Variants in C21orf91 observed in about 807,000 individuals in gnomAD.
The protein encoded by C21orf91 is protein EURL homolog.
A neutral mutation model predicts 32.9 loss-of-function variants in C21orf91; 26 were observed. The observed-to-expected ratio is 0.79, with a 90% CI of 0.58 to 1.10. The LOEUF is 1.10. C21orf91 is among the 50% of genes least tolerant of loss of function. C21orf91 has a pLI of 0.00. For missense variants in C21orf91, 310 were observed against 341.3 expected, an observed-to-expected ratio of 0.91 and a Z score of 0.72; for synonymous variants, 126 against 120.4, an observed-to-expected ratio of 1.05 and a Z score of -0.31.
Position 17,801,841 on chromosome 21 carries a change from T to TA in C21orf91, c.128-4724dup, listed in dbSNP as rs988828121. Among the ~76,000 whole-genome samples the TA allele has an allele frequency of 8.4e-3, 1,204 of 142,626 alleles. 12 individuals are homozygous for TA. Among genetic ancestry groups the TA allele is most frequent in the African/African-American group, 0.027 (1,071 of 39,098 alleles). The allele number at this position is 142,626 out of a possible 152,430, so 93.6% of individuals were successfully genotyped here. ...ATGTATATCCCAGAACTTAAAGTAT[T>TA]AAAAAAAAAAAAGGGTTTCTTCTCA... On this transcript the variant is annotated intron_variant, in intron 2 of 4. Transcript: ENST00000284881.
intron 2 of C21orf91, among the ~76,000 whole-genome samples, chr21:17,797,484 C>T (rs114501125): frequency 0.01 from 1,565 of 150,748 alleles, 23 homozygotes; most frequent in African/African-American, 0.036. Flanking sequence ...TACACACTTG[C>T]AAAAATATCT....
chr21:17,818,056 C>T (rs1466285219), intron 2 of C21orf91, 136 bp downstream of exon 2: 2 of 531,684 alleles, frequency 3.8e-6, no homozygotes, highest in Non-Finnish European at 6.3e-6. Context: ...GAAACCTTAT[C>T]TTTAACAAAT....
intron 2 of C21orf91, among the ~76,000 whole-genome samples, chr21:17,802,535 A>G (rs1434370044): frequency 6.6e-6 from 1 of 152,200 alleles, no homozygotes; most frequent in East Asian, 1.9e-4. Flanking sequence ...TAATTCACCA[A>G]TTGTAGGAAC....
In C21orf91 at chr21:17,815,763, C is replaced by T. The variant is rs759719452; in HGVS notation, c.127+2429G>A. ...GCAACCTCCACCTCCTGGGTTCAAGCGATTCTCTTGCCTCAGCCTCCTGAG... is the reference window on the plus strand; with the variant it reads ...GCAACCTCCACCTCCTGGGTTCAAGTGATTCTCTTGCCTCAGCCTCCTGAG... On this transcript the variant is annotated intron_variant, in intron 2 of 4. Transcript: ENST00000284881. 5.3e-5 allele frequency among the ~76,000 whole-genome samples: 8 copies of T among 152,180 alleles called. No homozygotes were observed. The East Asian group carries it at 7.7e-4, about 15-fold the overall frequency.
chr21:17,791,688 T>C lies in C21orf91; in HGVS notation c.*1727A>G, dbSNP rs2062475416. ...AAATGTATTTACCCAGCTTGTAAGT[T>C]TGAATATTTTGATATTGCACACATT... On this transcript the variant is annotated 3_prime_UTR_variant, in exon 5 of 5. Transcript: ENST00000284881. 6.6e-6 allele frequency: 1 copy of C among 152,124 alleles called. No individual in the cohort carries two copies. Among genetic ancestry groups the C allele is most frequent in the African/African-American group, 2.4e-5 (1 of 41,450 alleles). The allele number at this position is 152,124 out of a possible 1,614,324, so 9.4% of individuals were successfully genotyped here. A position where few individuals can be genotyped will look rare whatever the true frequency, so the allele number is the denominator to read the frequency against.
chr21:17,807,802 G>C (rs1481477602), intron 2 of C21orf91, among the ~76,000 whole-genome samples: 1 of 152,148 alleles, frequency 6.6e-6, no homozygotes, highest in Non-Finnish European at 1.5e-5. Context: ...TGATGATTTA[G>C]GCTATCTGGT....
chr21:17,803,213 T>C (rs866191571), intron 2 of C21orf91, among the ~76,000 whole-genome samples: 7 of 152,250 alleles, frequency 4.6e-5, no homozygotes, highest in Middle Eastern at 3.2e-3. Context: ...CAACAATACA[T>C]GCAGTATTGC....
In C21orf91 at chr21:17,805,080, G is replaced by A. The variant is rs111802814; in HGVS notation, c.128-7962C>T. ...TTCTGTGATGATGGACAAGTTGTATGTATAACTGAGCTATGCAATAAGGTA... is the reference window on the plus strand; with the variant it reads ...TTCTGTGATGATGGACAAGTTGTATATATAACTGAGCTATGCAATAAGGTA... On this transcript the variant is annotated intron_variant, in intron 2 of 4. Coordinates refer to ENST00000284881, the MANE Select transcript of C21orf91 (RefSeq NM_001100420.2). Among the ~76,000 whole-genome samples, 449 of 152,332 alleles carry A rather than the reference G, an allele frequency of 2.9e-3. 1 individual carries two copies. Among genetic ancestry groups the A allele is most frequent in the Non-Finnish European group, 4.1e-3 (276 of 68,028 alleles).
At chr21:17,799,163 T>C (rs117267133) in intron 2 of C21orf91, among the ~76,000 whole-genome samples, 2,341 of 152,266 alleles carry the variant, frequency 0.015, 32 homozygotes, top group Non-Finnish European at 0.027. Flanking sequence ...TTAGTATTTA[T>C]ACAGAAACTC....
chr21:17,817,048 G>A (rs922181077), intron 2 of C21orf91, among the ~76,000 whole-genome samples: 2 of 152,102 alleles, frequency 1.3e-5, no homozygotes, highest in African/African-American at 4.8e-5. Flanking sequence ...TGAACTCCTA[G>A]GCTCAAGCAA....
rs1373969472 is a variant in C21orf91, at chr21:17,801,573, A to G, written c.128-4455T>C. 1.3e-5 allele frequency among the ~76,000 whole-genome samples: 2 copies of G among 151,498 alleles called. 1 individual carries two copies. Among genetic ancestry groups the G allele is most frequent in the Admixed American group, 1.3e-4 (2 of 15,116 alleles). Reference sequence around the variant, plus strand: ...GCTTGAGCCACCGTGCCCGGCCCGTATGTTCTTATTCATAAGTGGGAGTTG... The same window carrying G: ...GCTTGAGCCACCGTGCCCGGCCCGTGTGTTCTTATTCATAAGTGGGAGTTG... On this transcript the variant is annotated intron_variant, in intron 2 of 4. Coordinates refer to ENST00000284881, the MANE Select transcript of C21orf91 (RefSeq NM_001100420.2).
intron 2 of C21orf91, among the ~76,000 whole-genome samples, chr21:17,813,713 A>G (rs535407650): frequency 5.9e-5 from 9 of 152,384 alleles, no homozygotes; most frequent in African/African-American, 2.2e-4. Flanking sequence ...AGCATTCCAA[A>G]TAACAAAAAT....
chr21:17,791,419 CT>C lies in C21orf91; in HGVS notation c.*1995del, dbSNP rs2062473086. On this transcript the variant is annotated 3_prime_UTR_variant, in exon 5 of 5. Coordinates refer to ENST00000284881, the MANE Select transcript of C21orf91 (RefSeq NM_001100420.2). ...GCTATGTATATTTGTCAGAAAACTC[CT>C]TTCTTTGGATAACACTGTTGTATTC... 2 of 152,116 alleles carry C rather than the reference CT, an allele frequency of 1.3e-5. No individual in the cohort carries two copies. Among genetic ancestry groups the C allele is most frequent in the Admixed American group, 6.6e-5 (1 of 15,258 alleles). 9.4% of individuals were successfully genotyped at this position (152,116 alleles called of 1,614,324 possible).
chr21:17,797,031 C>A lies in C21orf91; in HGVS notation c.215G>T (p.Gly72Val), dbSNP rs77760879. ...FEKYHLIANQ[G>V]CPRSKLSKST... ...TTTTGAAAGCTTAGATCGAGGACAA[C>A]CCTGGTTTGCAATTAAATGGTATTT... The change falls in exon 3 of 5, where the codon GGT (glycine) becomes GTT (valine). Residue 72 changes from glycine (G) to valine (V), a missense_variant. Gly to Val is a moderately radical substitution (Grantham distance 109). Coordinates refer to ENST00000284881, the MANE Select transcript of C21orf91 (RefSeq NM_001100420.2). 3.7e-5 allele frequency: 59 copies of A among 1,612,096 alleles called. No individual in the cohort carries two copies. In the African/African-American group the frequency reaches 6.3e-4, roughly 17 times the overall value.
intron 2 of C21orf91, among the ~76,000 whole-genome samples, chr21:17,814,195 G>A (rs1429795596): frequency 6.6e-6 from 1 of 152,124 alleles, no homozygotes; most frequent in African/African-American, 2.4e-5. Flanking sequence ...TTACAGTTGA[G>A]TTTCATTACT....
At chr21:17,799,587 C>A (rs1484362670) in intron 2 of C21orf91, among the ~76,000 whole-genome samples, 2 of 152,128 alleles carry the variant, frequency 1.3e-5, no homozygotes, top group Admixed American at 1.3e-4. Context: ...ACTCAAGCAC[C>A]ACTCCCACTA....
At position 17,789,466 on chromosome 21, in the gene C21orf91, G is replaced by A. The variant is rs2062455759; in HGVS notation, c.*3949C>T. The A allele has an allele frequency of 6.6e-6, 1 of 151,946 alleles. No homozygotes were observed. The highest frequency in any genetic ancestry group is 1.5e-5 in the Non-Finnish European group (1 of 67,970). 9.4% of individuals were successfully genotyped at this position (151,946 alleles called of 1,614,324 possible). A position where few individuals can be genotyped will look rare whatever the true frequency, so the allele number is the denominator to read the frequency against. ...TCAACTAATCTTTAAACCTTTTTTG[G>A]GAGAGGGCAATACTCATCTTCATGA... On this transcript the variant is annotated 3_prime_UTR_variant, in exon 5 of 5. Coordinates refer to ENST00000284881, the MANE Select transcript of C21orf91 (RefSeq NM_001100420.2).
chr21:17,807,981 C>T (rs562786179), intron 2 of C21orf91, among the ~76,000 whole-genome samples: 23 of 152,172 alleles, frequency 1.5e-4, no homozygotes, highest in Non-Finnish European at 2.8e-4. Flanking sequence ...AAGAAAAGCT[C>T]ATTTTCTGGG....
chr21:17,797,088 T>G lies in C21orf91; in HGVS notation c.158A>C (p.Lys53Thr). ...GVPKSDLLHTKSLRGHKDCFE... is the reference protein window; with the variant it reads ...GVPKSDLLHTTSLRGHKDCFE... ...GCAGTCTTTATGGCCCCTTAATGAT[T>G]TGGTGTGCAAGAGATCAGACTTTGG... The change falls in exon 3 of 5, where the codon AAA (lysine) becomes ACA (threonine). Residue 53 changes from lysine (K) to threonine (T), a missense_variant. Lys to Thr is a moderately conservative substitution (Grantham distance 78). Coordinates refer to ENST00000284881, the MANE Select transcript of C21orf91 (RefSeq NM_001100420.2). The G allele has an allele frequency of 1.9e-6, 3 of 1,607,248 alleles. No individual in the cohort carries two copies. The highest frequency in any genetic ancestry group is 2.5e-6 in the Non-Finnish European group (3 of 1,176,822).
Sources: gnomAD v4.1 joint callset for allele counts (sites outside exome capture counted in the v4.1 genomes callset) on GRCh38, gnomAD v4.1.1 for gene constraint, MANE v1.5 for transcripts, NCBI Gene and HGNC (gene_info 2026-07-23, HGNC 2026-07-21) for gene names.